ATP6V0A4: variants seen among roughly 807,000 people sequenced by gnomAD.
The protein encoded by ATP6V0A4 is V-type proton ATPase 116 kDa subunit a 4.
Under a neutral mutation model 107.3 loss-of-function variants are expected in ATP6V0A4, and 86 were observed. That is an observed-to-expected ratio of 0.80 (90% CI 0.67 to 0.96). ATP6V0A4 has a LOEUF of 0.96. ATP6V0A4 is among the 40% of genes least tolerant of loss of function. ATP6V0A4 has a pLI of 0.00. For missense variants in ATP6V0A4, 908 were observed against 1,045.6 expected, an observed-to-expected ratio of 0.87 and a Z score of 1.81; for synonymous variants, 353 against 381.4, an observed-to-expected ratio of 0.93 and a Z score of 0.87.
chr7:138,717,896 A>T (rs530342722), intron 19 of ATP6V0A4, among the ~76,000 whole-genome samples: 280 of 125,634 alleles, frequency 2.2e-3, no homozygotes, highest in African/African-American at 8.4e-3. Context: ...CGACACAGTG[A>T]GACTCTGTCT....
intron 5 of ATP6V0A4, among the ~76,000 whole-genome samples, chr7:138,765,601 C>G (rs1807047289): frequency 6.6e-6 from 1 of 152,076 alleles, no homozygotes; most frequent in Non-Finnish European, 1.5e-5. Context: ...TGTACTCTTG[C>G]CAAAGGATTC....
At chr7:138,729,404 C>A (rs565781705) in intron 17 of ATP6V0A4, among the ~76,000 whole-genome samples, 1 of 152,228 alleles carries the variant, frequency 6.6e-6, no homozygotes, top group Non-Finnish European at 1.5e-5. Context: ...TCCTCACCAT[C>A]GCTACCTGAC....
intron 2 of ATP6V0A4, among the ~76,000 whole-genome samples, chr7:138,781,416 C>T (rs1901247): frequency 0.04 from 6,106 of 152,046 alleles, 396 homozygotes; most frequent in African/African-American, 0.14. Flanking sequence ...CTGCAGCCTC[C>T]ACCTCCTGGG....
In ATP6V0A4 at chr7:138,750,385, G is replaced by A. The variant is rs144655751; in HGVS notation, c.1030-1068C>T. On this transcript the variant is annotated intron_variant, in intron 11 of 21. Coordinates refer to ENST00000310018, the MANE Select transcript of ATP6V0A4 (RefSeq NM_020632.3). ...CCCGCCACAGCCTCCTGAGTAGCTG[G>A]GACTACAGCCATACAGTGCTATGTT... Among the ~76,000 whole-genome samples the A allele has an allele frequency of 9.9e-3, 1,500 of 152,096 alleles. 37 individuals carry two copies. Among genetic ancestry groups the A allele is most frequent in the African/African-American group, 0.034 (1,424 of 41,488 alleles).
intron 17 of ATP6V0A4, among the ~76,000 whole-genome samples, chr7:138,730,130 C>T (rs1809086): frequency 0.47 from 70,745 of 151,944 alleles, 16,972 homozygotes; most frequent in East Asian, 0.73. Flanking sequence ...GTGATCCGCC[C>T]GCCTCGGCCT....
At chr7:138,780,917 T>G (rs982437640) in intron 2 of ATP6V0A4, among the ~76,000 whole-genome samples, 3 of 148,114 alleles carry the variant, frequency 2.0e-5, no homozygotes, top group African/African-American at 7.4e-5. Context: ...AAAGAAAAAA[T>G]AAAAAAAAAA....
chr7:138,759,568 T>C (rs1251274882), intron 8 of ATP6V0A4, among the ~76,000 whole-genome samples, 184 bp downstream of exon 8: 1 of 151,960 alleles, frequency 6.6e-6, no homozygotes, highest in African/African-American at 2.4e-5. Flanking sequence ...GTCCTTGAAC[T>C]GACCTTTCAA....
chr7:138,707,458 A>G lies in ATP6V0A4; in HGVS notation c.2430-741T>C, dbSNP rs1366321873. On this transcript the variant is annotated intron_variant, in intron 21 of 21. Transcript: ENST00000310018. ...CTCTTGTGGTCCAGGCTGGAGTGCAATAGTGCGATCTCAGCTCACTGCAAC... is the reference window on the plus strand; with the variant it reads ...CTCTTGTGGTCCAGGCTGGAGTGCAGTAGTGCGATCTCAGCTCACTGCAAC... Among the ~76,000 whole-genome samples, 8 of 138,248 alleles carry G rather than the reference A, an allele frequency of 5.8e-5. No homozygotes were observed. In the Admixed American group the frequency reaches 6.9e-4, roughly 12 times the overall value. 90.7% of individuals were successfully genotyped at this position (138,248 alleles called of 152,430 possible).
Position 138,721,885 on chromosome 7 carries a change from C to T in ATP6V0A4, c.2139+12G>A, listed in dbSNP as rs375408132. 26 of 1,613,798 alleles carry T rather than the reference C, an allele frequency of 1.6e-5. No homozygotes were observed. The highest frequency in any genetic ancestry group is 2.2e-5 in the East Asian group (1 of 44,890). On this transcript the variant is annotated intron_variant, in intron 19 of 21. Coordinates refer to ENST00000310018, the MANE Select transcript of ATP6V0A4 (RefSeq NM_020632.3). ...CTGGGGAGTCTTCCTCAGGGGCTCT[C>T]GTCCCAGATACCTCTTCTCCATGGT...
intron 20 of ATP6V0A4, among the ~76,000 whole-genome samples, chr7:138,711,076 T>C (rs1164973386): frequency 6.6e-6 from 1 of 151,462 alleles, no homozygotes; most frequent in Non-Finnish European, 1.5e-5. Context: ...GACACCACCG[T>C]CCCCCCACCC....
At chr7:138,763,174 CAGACACACACAG>C in intron 5 of ATP6V0A4, 149 bp from the exon 6 acceptor site, 1 of 863,412 alleles carries the variant, frequency 1.2e-6, no homozygotes, top group Non-Finnish European at 1.8e-6. Flanking sequence ...CAGACACACA[CAGACACACACAG>C]ACACACACAC....
intron 14 of ATP6V0A4, among the ~76,000 whole-genome samples, chr7:138,740,797 T>C (rs1805600458): frequency 6.6e-6 from 1 of 151,746 alleles, no homozygotes; most frequent in Non-Finnish European, 1.5e-5. Context: ...TTGAGTTGAT[T>C]TTTTTTTAAG....
chr7:138,726,247 C>T (rs1009219744), intron 18 of ATP6V0A4, among the ~76,000 whole-genome samples: 1 of 152,200 alleles, frequency 6.6e-6, no homozygotes, highest in Non-Finnish European at 1.5e-5. Flanking sequence ...CCTCGGCCTC[C>T]CAAAGTGCTG....
At chr7:138,718,463 G>T (rs1342536805) in intron 19 of ATP6V0A4, among the ~76,000 whole-genome samples, 2 of 101,876 alleles carry the variant, frequency 2.0e-5, no homozygotes, top group Admixed American at 9.6e-5. Flanking sequence ...AGGAAGGAAT[G>T]GGGGGGATGG....
rs140225264 is a variant in ATP6V0A4 at position 138,727,016 on chromosome 7, G to A, written c.2010+1745C>T. On this transcript the variant is annotated intron_variant, in intron 18 of 21. Coordinates refer to ENST00000310018, the MANE Select transcript of ATP6V0A4 (RefSeq NM_020632.3). The stretch of plus-strand genomic sequence containing the variant: ...AGAGCCTGCAGTAACCTGGCTCTTG[G>A]CTTATGGACAGATTTAGTTCCTAGA... 8.6e-5 allele frequency among the ~76,000 whole-genome samples: 13 copies of A among 150,442 alleles called. No homozygotes were observed. In the East Asian group the frequency reaches 2.2e-3, roughly 25 times the overall value.
intron 1 of ATP6V0A4, among the ~76,000 whole-genome samples, chr7:138,795,578 G>A (rs986024308): frequency 6.6e-6 from 1 of 152,178 alleles, no homozygotes; most frequent in Non-Finnish European, 1.5e-5. Flanking sequence ...AACATTTCAA[G>A]TGAACTGTAT....
chr7:138,727,112 CAAAAAAAAA>C (rs138365622), intron 18 of ATP6V0A4, among the ~76,000 whole-genome samples: 36 of 103,074 alleles, frequency 3.5e-4, no homozygotes, highest in African/African-American at 6.4e-4. Flanking sequence ...GAGCTCATCT[CAAAAAAAAA>C]AAAAAAAAAA....
intron 15 of ATP6V0A4, among the ~76,000 whole-genome samples, chr7:138,738,155 T>C (rs1805443035): frequency 6.6e-6 from 1 of 152,224 alleles, no homozygotes; most frequent in African/African-American, 2.4e-5. Flanking sequence ...CCAGAAATTT[T>C]CAAAATTCTA....
chr7:138,720,494 T>TG (rs1804374289), intron 19 of ATP6V0A4, among the ~76,000 whole-genome samples: 1 of 152,094 alleles, frequency 6.6e-6, no homozygotes, highest in Admixed American at 6.6e-5. Flanking sequence ...AGTCAGAACA[T>TG]GCGTGGGTTG....
Sources: gnomAD v4.1 joint callset for allele counts (sites outside exome capture counted in the v4.1 genomes callset) on GRCh38, gnomAD v4.1.1 for gene constraint, MANE v1.5 for transcripts, NCBI Gene and HGNC (gene_info 2026-07-23, HGNC 2026-07-21) for gene names.